The following ENDOD1 variants were observed in gnomAD, a reference collection of about 807,000 sequenced individuals.
The protein encoded by ENDOD1 is endonuclease domain-containing 1 protein.
A neutral mutation model predicts 6.5 loss-of-function variants in ENDOD1; 9 were observed. That is an observed-to-expected ratio of 1.39 (90% CI 0.84 to 2.43). ENDOD1 has a LOEUF of 2.43. ENDOD1 is among the 30% of genes most tolerant of loss of function. The pLI, the probability that ENDOD1 is intolerant of heterozygous loss-of-function variation, is 0.00. For missense variants in ENDOD1, 648 were observed against 635.5 expected (o/e 1.02, Z -0.21); for synonymous variants, 255 against 255.2 (o/e 1.00, Z 0.01).
chr11:95,129,839 A>T lies in ENDOD1; in HGVS notation c.*260A>T, dbSNP rs995789291. ...AAGCCACTAATAACTTCAGTTATGC[A>T]CTCTAACACAGACGACCACCTGAAA... On this transcript the variant is annotated 3_prime_UTR_variant, in exon 2 of 2. Transcript: ENST00000278505. 3 of 376,156 alleles carry T rather than the reference A, an allele frequency of 8.0e-6. No homozygotes were observed. Among genetic ancestry groups the T allele is most frequent in the Non-Finnish European group, 9.6e-6 (2 of 207,688 alleles). 23.3% of individuals were successfully genotyped at this position (376,156 alleles called of 1,614,324 possible).
At chr11:95,111,823 G>T (rs1859153561) in intron 1 of ENDOD1, among the ~76,000 whole-genome samples, 1 of 152,134 alleles carries the variant, frequency 6.6e-6, no homozygotes, top group Non-Finnish European at 1.5e-5. Flanking sequence ...CAGGTAACCT[G>T]CCCTAAGATG....
Position 95,129,535 on chromosome 11 carries a change from C to G in ENDOD1, c.1459C>G (p.Arg487Gly). ...TCAGGTGGTTTTTAGTGTCTGCAAG[C>G]GGATTGGCTACAAGGTTACTTTTGA... Reference protein sequence around the residue: ...LFQVVFSVCKRIGYKVTFDNS... With the variant: ...LFQVVFSVCKGIGYKVTFDNS... Residue 487 changes from arginine to glycine, a missense_variant, in exon 2 of 2, where the codon CGG (arginine) becomes GGG (glycine). Coordinates refer to ENST00000278505, the MANE Select transcript of ENDOD1 (RefSeq NM_015036.3). 1 of 1,614,064 alleles carries G rather than the reference C, an allele frequency of 6.2e-7. No homozygotes were observed. Among genetic ancestry groups the G allele is most frequent in the Non-Finnish European group, 8.5e-7 (1 of 1,179,992 alleles).
chr11:95,092,133 T>C (rs948159406), intron 1 of ENDOD1, among the ~76,000 whole-genome samples: 1 of 152,096 alleles, frequency 6.6e-6, no homozygotes, highest in Admixed American at 6.5e-5. Flanking sequence ...AGGCAGAGTT[T>C]AGAAGGGAGG....
intron 1 of ENDOD1, among the ~76,000 whole-genome samples, chr11:95,126,612 C>A (rs530494213): frequency 6.6e-6 from 1 of 152,222 alleles, no homozygotes; most frequent in South Asian, 2.1e-4. Flanking sequence ...TATATCCTGC[C>A]CTTTCTTTTC....
intron 1 of ENDOD1, among the ~76,000 whole-genome samples, chr11:95,126,095 G>A (rs1285007487): frequency 1.3e-5 from 2 of 152,148 alleles, no homozygotes; most frequent in Non-Finnish European, 2.9e-5. Context: ...CTAAGAATGG[G>A]GGAAGGCATG....
intron 1 of ENDOD1, among the ~76,000 whole-genome samples, chr11:95,102,993 G>T (rs538173356): frequency 6.6e-6 from 1 of 152,190 alleles, no homozygotes; most frequent in Non-Finnish European, 1.5e-5. Flanking sequence ...TAGCTTATTG[G>T]CCAGGCTTGT....
chr11:95,122,511 T>C (rs1167236015), intron 1 of ENDOD1, among the ~76,000 whole-genome samples: 1 of 68 alleles, frequency 0.015, no homozygotes, highest in Non-Finnish European at 0.05. Flanking sequence ...GTGCTGGGTT[T>C]ATATGTGCGT....
Position 95,128,969 on chromosome 11 carries a change from CTCAAAAGAGT to C in ENDOD1, c.896_905del (p.Gln299LeufsTer44), listed in dbSNP as rs1300083550. 6.2e-7 allele frequency: 1 copy of C among 1,613,938 alleles called. No homozygotes were observed. The highest frequency in any genetic ancestry group is 8.5e-7 in the Non-Finnish European group (1 of 1,180,014). Reference sequence around the variant, plus strand: ...CAGGATGAAGAACGAATGGTACAATCTCAAAAGAGTTCTAGTCCCCTTTCTAGCACCAGGA... The same window carrying C: ...CAGGATGAAGAACGAATGGTACAATCTCTAGTCCCCTTTCTAGCACCAGGA... On this transcript the variant is annotated frameshift_variant, in exon 2 of 2. Coordinates refer to ENST00000278505, the MANE Select transcript of ENDOD1 (RefSeq NM_015036.3). LOFTEE classifies it low-confidence loss of function (END_TRUNC).
chr11:95,093,393 C>G (rs142867879), intron 1 of ENDOD1, among the ~76,000 whole-genome samples: 1,859 of 152,318 alleles, frequency 0.012, 31 homozygotes, highest in African/African-American at 0.042. Flanking sequence ...TCCTTCACTT[C>G]CTGCCCTTAC....
Position 95,131,455 on chromosome 11 carries a change from G to A in ENDOD1, c.*1876G>A, listed in dbSNP as rs61893676. 3,593 of 152,330 alleles carry A rather than the reference G, an allele frequency of 0.024. 55 individuals carry two copies. Among genetic ancestry groups the A allele is most frequent in the Non-Finnish European group, 0.032 (2,157 of 68,038 alleles). The allele number at this position is 152,330 out of a possible 1,614,324, so 9.4% of individuals were successfully genotyped here. ...GAACCCAAGGCCCTGGGAGGCAACAGGCTAGCCCTTAGTTTCATGGCTAGC... is the reference window on the plus strand; with the variant it reads ...GAACCCAAGGCCCTGGGAGGCAACAAGCTAGCCCTTAGTTTCATGGCTAGC... On this transcript the variant is annotated 3_prime_UTR_variant, in exon 2 of 2. Coordinates refer to ENST00000278505, the MANE Select transcript of ENDOD1 (RefSeq NM_015036.3).
intron 1 of ENDOD1, among the ~76,000 whole-genome samples, chr11:95,103,100 G>GGGGTGTGTGTGTGTGT (rs1491376570): frequency 8.2e-5 from 7 of 85,614 alleles, no homozygotes; most frequent in African/African-American, 2.2e-4. Flanking sequence ...AGGCAGAGTG[G>GGGGTGTGTGTGTGTGT]GTGTGTGTGT....
chr11:95,123,415 G>C (rs934635099), intron 1 of ENDOD1, among the ~76,000 whole-genome samples: 2 of 151,808 alleles, frequency 1.3e-5, no homozygotes, highest in Admixed American at 1.3e-4. Context: ...TAAGAAAACA[G>C]AATCAGATTG....
At chr11:95,090,440 G>C (rs1858919072) in intron 1 of ENDOD1, among the ~76,000 whole-genome samples, 1 of 149,686 alleles carries the variant, frequency 6.7e-6, no homozygotes. Context: ...AGAGCCTGGC[G>C]ATCTGCGAGC....
At chr11:95,128,310 G>A in intron 1 of ENDOD1, 67 bp from the exon 2 acceptor site, 1 of 1,546,514 alleles carries the variant, frequency 6.5e-7, no homozygotes, top group Non-Finnish European at 8.7e-7. Context: ...GTCTGGGCAG[G>A]ATGATTCTAG....
At chr11:95,116,635 C>T (rs1399672572) in intron 1 of ENDOD1, among the ~76,000 whole-genome samples, 2 of 152,120 alleles carry the variant, frequency 1.3e-5, no homozygotes, top group Non-Finnish European at 2.9e-5. Context: ...CTATAGACTT[C>T]CCTCTTAGTA....
chr11:95,103,842 G>A (rs573758332), intron 1 of ENDOD1, among the ~76,000 whole-genome samples: 3 of 152,288 alleles, frequency 2.0e-5, no homozygotes, highest in Admixed American at 1.3e-4. Flanking sequence ...CTAAACACTC[G>A]GCGCATATAT....
chr11:95,120,191 G>A (rs1859248703), intron 1 of ENDOD1, among the ~76,000 whole-genome samples: 2 of 151,934 alleles, frequency 1.3e-5, no homozygotes, highest in African/African-American at 4.8e-5. Flanking sequence ...GTGCATGATA[G>A]AGTCCTCTTT....
At chr11:95,120,133 G>A (rs1169515752) in intron 1 of ENDOD1, among the ~76,000 whole-genome samples, 1 of 152,078 alleles carries the variant, frequency 6.6e-6, no homozygotes. Context: ...AGAATCGGGG[G>A]CCCCAAGAGC....
At chr11:95,094,831 T>G (rs1191248905) in intron 1 of ENDOD1, among the ~76,000 whole-genome samples, 1 of 152,244 alleles carries the variant, frequency 6.6e-6, no homozygotes, top group Non-Finnish European at 1.5e-5. Flanking sequence ...TTAATTCAGA[T>G]CCCTGCTCTT....
Sources: gnomAD v4.1 joint callset for allele counts (sites outside exome capture counted in the v4.1 genomes callset) on GRCh38, gnomAD v4.1.1 for gene constraint, MANE v1.5 for transcripts, NCBI Gene and HGNC (gene_info 2026-07-23, HGNC 2026-07-21) for gene names.